Variants in TMBIM6 observed in about 807,000 individuals in gnomAD.
The protein encoded by TMBIM6 is bax inhibitor 1.
Under a neutral mutation model 31.4 loss-of-function variants are expected in TMBIM6, and 13 were observed. The observed-to-expected ratio is 0.41, with a 90% CI of 0.27 to 0.66. The LOEUF (loss-of-function observed/expected upper bound fraction) is 0.66, where lower values mean the gene tolerates loss of function less well. Ranked by LOEUF, TMBIM6 falls within the 30% of genes least tolerant of loss-of-function variation. TMBIM6 has a pLI of 0.28. For missense variants in TMBIM6, 275 were observed against 289.5 expected (o/e 0.95, Z 0.36); for synonymous variants, 85 against 101.7 (o/e 0.84, Z 0.99).
intron 6 of TMBIM6, 59 bp from the exon 7 acceptor site, chr12:49,758,624 T>G: frequency 6.3e-7 from 1 of 1,588,952 alleles, no homozygotes; most frequent in Admixed American, 1.7e-5. Flanking sequence ...ATGGCTTTAA[T>G]GGGATTGCTT....
In TMBIM6 at chr12:49,755,648, C is replaced by G. The variant is rs1223020015; in HGVS notation, c.179C>G (p.Ser60Cys). The G allele has an allele frequency of 1.3e-5, 21 of 1,613,800 alleles. No homozygotes were observed. The Admixed American group carries it at 3.5e-4, about 27-fold the overall frequency. Residue 60 changes from serine (S) to cysteine (C), a missense_variant, in exon 4 of 10, where the codon TCT becomes TGT. Transcript: ENST00000267115. The stretch of plus-strand genomic sequence containing the variant: ...TGACTCTAACAGGCTGGCCTGCTGT[C>G]TGCCTTGGGCTCCCTGATATTGATG... ...VTHFIQAGLL[S>C]ALGSLILMIW...
chr12:49,758,549 C>G (rs1347861549), intron 6 of TMBIM6, 69 bp downstream of exon 6: 1 of 1,563,648 alleles, frequency 6.4e-7, no homozygotes, highest in Non-Finnish European at 8.8e-7. Flanking sequence ...GTACTCCTTC[C>G]TTACCCCTAA....
rs564220337 is a variant in TMBIM6, at chr12:49,751,999, G to T, written c.-30-465G>T. On this transcript the variant is annotated intron_variant, in intron 1 of 9. Transcript: ENST00000267115. ...GCTGGTCTCGAACTCCTGACCTCAG[G>T]TGATCCGCCCACCTCAGCCTCTCAG... is the stretch of plus-strand genomic sequence containing the variant. Among the ~76,000 whole-genome samples the T allele has an allele frequency of 2.0e-5, 3 of 152,070 alleles. No individual in the cohort carries two copies. In the South Asian group the frequency reaches 6.2e-4, roughly 32 times the overall value.
rs949018331 is a variant in TMBIM6 at position 49,755,479 on chromosome 12, C to A, written c.166-156C>A. 3.9e-5 allele frequency among the ~76,000 whole-genome samples: 6 copies of A among 152,190 alleles called. No individual in the cohort carries two copies. In the East Asian group the frequency reaches 1.2e-3, roughly 29 times the overall value. ...CAAGGCTTCTGGGTTATCTCCTCAG[C>A]CCCATCCCTGAGAAAACACTACTTT... On this transcript the variant is annotated intron_variant, in intron 3 of 9. Transcript: ENST00000267115.
intron 1 of TMBIM6, 56 bp downstream of exon 1, chr12:49,741,667 G>A (rs1945296696): frequency 5.4e-6 from 1 of 184,412 alleles, no homozygotes; most frequent in South Asian, 7.7e-5. Flanking sequence ...AAGGGAGTTA[G>A]CAGTTACTGT....
chr12:49,758,459 C>T lies in TMBIM6; in HGVS notation c.412C>T (p.Arg138Cys), dbSNP rs746646507. 10 of 1,614,072 alleles carry T rather than the reference C, an allele frequency of 6.2e-6. No individual in the cohort carries two copies. Among genetic ancestry groups the T allele is most frequent in the African/African-American group, 5.3e-5 (4 of 74,924 alleles). ...CCTCAGTGCACTCTATGCCAGGCGC[C>T]GTAGCTACCTCTTTCTGGGAGGTAA... is the stretch of plus-strand genomic sequence containing the variant. ...FTLSALYARR[R>C]SYLFLGGILM... is the part of the protein sequence containing the mutation. Residue 138 changes from arginine (R) to cysteine (C), a missense_variant, in exon 6 of 10, where the codon CGT becomes TGT. Arg to Cys is a radical substitution (Grantham distance 180). Transcript: ENST00000267115.
intron 1 of TMBIM6, among the ~76,000 whole-genome samples, chr12:49,748,695 A>G (rs547711449): frequency 6.6e-5 from 10 of 152,340 alleles, no homozygotes; most frequent in African/African-American, 1.9e-4. Context: ...CAAACGCAGT[A>G]TAGGCAGATT....
chr12:49,741,982 G>A, intron 1 of TMBIM6: 1 of 1,165,260 alleles, frequency 8.6e-7, no homozygotes, highest in Non-Finnish European at 1.2e-6. Flanking sequence ...GCCTAGCTTC[G>A]ATCGTTCGAA....
chr12:49,751,758 A>ATTTTT lies in TMBIM6; in HGVS notation c.-30-687_-30-683dup, dbSNP rs58141027. 7.9e-4 allele frequency among the ~76,000 whole-genome samples: 86 copies of ATTTTT among 108,504 alleles called. 1 individual carries two copies. Among genetic ancestry groups the ATTTTT allele is most frequent in the African/African-American group, 1.7e-3 (40 of 24,134 alleles). The allele number at this position is 108,504 out of a possible 152,430, so 71.2% of individuals were successfully genotyped here. A position where few individuals can be genotyped will look rare whatever the true frequency, so the allele number is the denominator to read the frequency against. ...TCTTTGAGGTGCTGCTAGTGAGATA[A>ATTTTT]TTTTTTTTTTTTTTTTTTTTTTTGA... On this transcript the variant is annotated intron_variant, in intron 1 of 9. Coordinates refer to ENST00000267115, the MANE Select transcript of TMBIM6 (RefSeq NM_003217.3).
intron 1 of TMBIM6, among the ~76,000 whole-genome samples, chr12:49,747,873 A>G (rs2136933431): frequency 6.6e-6 from 1 of 152,180 alleles, no homozygotes; most frequent in African/African-American, 2.4e-5. Context: ...GTGTGTGGGA[A>G]TAGGACTGAA....
At chr12:49,758,339 C>T (rs74087193) in intron 5 of TMBIM6, 44 bp from the exon 6 acceptor site, 3 of 1,612,560 alleles carry the variant, frequency 1.9e-6, no homozygotes, top group Admixed American at 3.3e-5. Context: ...AAATGTAGAC[C>T]GTATACCTGT....
chr12:49,754,172 A>G (rs1438204082), intron 3 of TMBIM6, among the ~76,000 whole-genome samples: 4 of 151,970 alleles, frequency 2.6e-5, no homozygotes, highest in African/African-American at 9.7e-5. Flanking sequence ...GGGTTTTTTG[A>G]GTGGAGGTCT....
At position 49,758,770 on chromosome 12, in the gene TMBIM6, T is replaced by C. The variant is rs1263113437; in HGVS notation, c.513+8T>C. On this transcript the variant is annotated splice_region_variant and intron_variant, in intron 7 of 9. Transcript: ENST00000267115. ...TCCATTTGGCTTTTCCAGGTAAGAC[T>C]TAGCCTGGAACTTTCCAGCAGCCAT... 4 of 1,612,582 alleles carry C rather than the reference T, an allele frequency of 2.5e-6. No individual in the cohort carries two copies. Among genetic ancestry groups the C allele is most frequent in the Non-Finnish European group, 8.5e-7 (1 of 1,178,810 alleles).
intron 6 of TMBIM6, 79 bp from the exon 7 acceptor site, chr12:49,758,604 A>G: frequency 6.4e-7 from 1 of 1,560,680 alleles, no homozygotes; most frequent in Non-Finnish European, 8.8e-7. Flanking sequence ...ATTCTGGGGG[A>G]AGTTAAGGAA....
intron 4 of TMBIM6, among the ~76,000 whole-genome samples, chr12:49,756,389 C>T (rs1001289079): frequency 1.3e-5 from 2 of 150,946 alleles, no homozygotes; most frequent in East Asian, 1.9e-4. Context: ...CCACCTTAGC[C>T]TCCCAAAGTG....
Position 49,752,243 on chromosome 12 carries a change from GAGA to G in TMBIM6, c.-30-214_-30-212del, listed in dbSNP as rs150672423. Reference sequence around the variant, plus strand: ...ATGATAGTAACAAAATAGTTTGAGGGAGAAGAAGATGCATTCAATTCCTCTGTC... The same window carrying G: ...ATGATAGTAACAAAATAGTTTGAGGGAGAAGATGCATTCAATTCCTCTGTC... On this transcript the variant is annotated intron_variant, in intron 1 of 9. Coordinates refer to ENST00000267115, the MANE Select transcript of TMBIM6 (RefSeq NM_003217.3). 5.4e-3 allele frequency among the ~76,000 whole-genome samples: 825 copies of G among 152,282 alleles called. 2 individuals are homozygous for G. The highest frequency in any genetic ancestry group is 0.019 in the African/African-American group (789 of 41,552).
intron 7 of TMBIM6, 167 bp from the exon 8 acceptor site, chr12:49,759,054 A>G: frequency 1.5e-6 from 1 of 647,900 alleles, no homozygotes; most frequent in South Asian, 1.9e-5. Context: ...TATTGTGCCT[A>G]GGGAAGTAAA....
At position 49,758,717 on chromosome 12, in the gene TMBIM6, G is replaced by T. The variant is rs1382867295; in HGVS notation, c.468G>T (p.Leu156Phe). Residue 156 changes from leucine (L) to phenylalanine (F), a missense_variant, in exon 7 of 10, where the codon TTG becomes TTT. Coordinates refer to ENST00000267115, the MANE Select transcript of TMBIM6 (RefSeq NM_003217.3). Reference sequence around the variant, plus strand: ...TGTCAGCCCTGAGCTTGTTGCTTTTGTCTTCCCTGGGGAATGTTTTCTTTG... The same window carrying T: ...TGTCAGCCCTGAGCTTGTTGCTTTTTTCTTCCCTGGGGAATGTTTTCTTTG... ...ILMSALSLLL[L>F]SSLGNVFFGS... 5.6e-6 allele frequency: 9 copies of T among 1,613,524 alleles called. No homozygotes were observed. The highest frequency in any genetic ancestry group is 4.0e-5 in the African/African-American group (3 of 74,672).
At chr12:49,758,878 C>A in intron 7 of TMBIM6, 116 bp downstream of exon 7, 1 of 884,634 alleles carries the variant, frequency 1.1e-6, no homozygotes, top group Non-Finnish European at 1.7e-6. Flanking sequence ...TCTAAGCCTT[C>A]CCATTATCCT....
Sources: allele counts gnomAD v4.1 joint callset (sites outside exome capture counted in the v4.1 genomes callset), GRCh38; gene constraint gnomAD v4.1.1; transcripts MANE v1.5; gene names NCBI Gene and HGNC (gene_info 2026-07-23, HGNC 2026-07-21).